The following LUC7L variants were observed in gnomAD, a reference collection of about 807,000 sequenced individuals.
LUC7L encodes putative RNA-binding protein Luc7-like 1.
In LUC7L, 29 loss-of-function variants were observed where a neutral mutation model predicts 51.1. That is an observed-to-expected ratio of 0.57 (90% confidence interval 0.42 to 0.77). The LOEUF (loss-of-function observed/expected upper bound fraction) is 0.77. Ranked by LOEUF, LUC7L falls within the 30% of genes least tolerant of loss-of-function variation. The pLI, the probability that LUC7L is intolerant of heterozygous loss-of-function variation, is 0.00. For missense variants in LUC7L, 403 were observed against 511.9 expected (o/e 0.79, Z 2.05); for synonymous variants, 181 against 180.7 (o/e 1.00, Z -0.01).
At chr16:225,995 T>C (rs1326979041) in intron 2 of LUC7L, among the ~76,000 whole-genome samples, 1 of 121,832 alleles carries the variant, frequency 8.2e-6, no homozygotes, top group African/African-American at 2.9e-5. Flanking sequence ...TTGTGCATCC[T>C]ATGAAAATAC....
intron 3 of LUC7L, among the ~76,000 whole-genome samples, chr16:215,726 C>G (rs900865330): frequency 6.6e-6 from 1 of 151,886 alleles, no homozygotes; most frequent in Admixed American, 6.6e-5. Context: ...TTGCTTGAAC[C>G]GGGAAGGCAG....
chr16:223,355 AT>A (rs1242516202), intron 2 of LUC7L, among the ~76,000 whole-genome samples: 1 of 152,136 alleles, frequency 6.6e-6, no homozygotes, highest in Non-Finnish European at 1.5e-5. Flanking sequence ...TCTCAAAAAA[AT>A]AAAATAAAAT....
intron 3 of LUC7L, among the ~76,000 whole-genome samples, chr16:211,197 T>C (rs1011053356): frequency 9.2e-5 from 14 of 152,208 alleles, no homozygotes; most frequent in Non-Finnish European, 1.9e-4. Flanking sequence ...CCAGGCGTGG[T>C]GGCGGGCACC....
intron 5 of LUC7L, among the ~76,000 whole-genome samples, chr16:204,446 T>C (rs1391226678): frequency 6.6e-6 from 1 of 151,700 alleles, no homozygotes; most frequent in Admixed American, 6.6e-5. Flanking sequence ...ACAAAAAAAT[T>C]AGCCGGGCGT....
Position 218,378 on chromosome 16 carries a change from C to T in LUC7L, c.255+2271G>A, listed in dbSNP as rs371933344. On this transcript the variant is annotated intron_variant, in intron 3 of 9. Transcript: ENST00000293872. ...CTCTACTAACCTCTGGTCATACTAG[C>T]GATGGGTGATTAGGGATTAAAAAAC... is the stretch of plus-strand genomic sequence containing the variant. 9.9e-5 allele frequency among the ~76,000 whole-genome samples: 15 copies of T among 152,206 alleles called. No homozygotes were observed. In the East Asian group the frequency reaches 1.7e-3, roughly 18 times the overall value.
At chr16:196,946 C>T (rs1364865596) in intron 6 of LUC7L, among the ~76,000 whole-genome samples, 13 of 127,222 alleles carry the variant, frequency 1.0e-4, no homozygotes, top group Non-Finnish European at 1.6e-4. Flanking sequence ...CTCGCTCTGT[C>T]GCCCAGGCTG....
intron 6 of LUC7L, among the ~76,000 whole-genome samples, chr16:198,535 G>A (rs1294580234): frequency 1.3e-5 from 2 of 152,072 alleles, no homozygotes; most frequent in Non-Finnish European, 2.9e-5. Flanking sequence ...CTGGGAACAG[G>A]CTCTGCCATT....
At chr16:219,488 G>A (rs2049904839) in intron 3 of LUC7L, among the ~76,000 whole-genome samples, 2 of 152,298 alleles carry the variant, frequency 1.3e-5, no homozygotes, top group South Asian at 4.1e-4. Context: ...GACTGTGGAA[G>A]AAGGATCACC....
intron 3 of LUC7L, among the ~76,000 whole-genome samples, chr16:215,781 C>T (rs866078907): frequency 1.3e-5 from 2 of 151,998 alleles, no homozygotes; most frequent in African/African-American, 2.4e-5. Flanking sequence ...CCAGCCTGGA[C>T]GAGAGTGAGA....
intron 2 of LUC7L, among the ~76,000 whole-genome samples, chr16:224,283 CCGAGGAGGG>C (rs1269898059): frequency 6.6e-6 from 1 of 151,098 alleles, no homozygotes; most frequent in Admixed American, 6.6e-5. Flanking sequence ...CTTTGGGAGG[CCGAGGAGGG>C]CGGATCACCT....
intron 2 of LUC7L, among the ~76,000 whole-genome samples, chr16:224,441 C>G (rs1396745244): frequency 6.6e-6 from 1 of 151,458 alleles, no homozygotes; most frequent in African/African-American, 2.4e-5. Context: ...ATTGCTTGAG[C>G]CCGGGAGGCG....
chr16:199,848 G>C lies in LUC7L; in HGVS notation c.511-610C>G, dbSNP rs190611589. 3.3e-5 allele frequency among the ~76,000 whole-genome samples: 5 copies of C among 151,896 alleles called. No individual in the cohort carries two copies. The East Asian group carries it at 5.8e-4, about 18-fold the overall frequency. The stretch of plus-strand genomic sequence containing the variant: ...CTACTAAAAATACAAAAATCAGCTG[G>C]GTGTGGTGGCACATGCCTGTAGTCC... On this transcript the variant is annotated intron_variant, in intron 5 of 9. Coordinates refer to ENST00000293872, the MANE Select transcript of LUC7L (RefSeq NM_201412.3).
intron 6 of LUC7L, among the ~76,000 whole-genome samples, chr16:196,906 C>CT (rs34164641): frequency 0.16 from 19,435 of 122,806 alleles, 2,315 homozygotes; most frequent in African/African-American, 0.27. Context: ...ACTTTTACAT[C>CT]TTTTTTTTTT....
At chr16:201,169 A>G (rs2049312914) in intron 5 of LUC7L, among the ~76,000 whole-genome samples, 1 of 62,994 alleles carries the variant, frequency 1.6e-5, no homozygotes, top group African/African-American at 7.5e-5. Context: ...ACTCTGTCTG[A>G]GAAAAAAAAA....
intron 3 of LUC7L, among the ~76,000 whole-genome samples, chr16:217,583 T>C (rs753480212): frequency 1.2e-4 from 18 of 151,594 alleles, no homozygotes; most frequent in Non-Finnish European, 1.8e-4. Context: ...GATGTGCACC[T>C]GTAATCCCAG....
chr16:228,458 T>G (rs948559205), intron 1 of LUC7L: 1 of 1,253,692 alleles, frequency 8.0e-7, no homozygotes, highest in South Asian at 1.4e-5. Context: ...AATAAAAATA[T>G]GGGAAGCAAT....
rs2142133472 is a variant in LUC7L, at chr16:229,322, C to T, written c.18G>A (p.Gln6=). MSAQA[Q]MRALLDQLMG... ...TGAGCTGGTCCAGCAGGGCCCGCATCTGCGCCTGGGCGGACATGGTAGCCG... is the reference window on the plus strand; with the variant it reads ...TGAGCTGGTCCAGCAGGGCCCGCATTTGCGCCTGGGCGGACATGGTAGCCG... Residue 6 remains glutamine, a synonymous_variant, in exon 1 of 10, where the codon CAG becomes CAA. Transcript: ENST00000293872. 1 of 1,526,536 alleles carries T rather than the reference C, an allele frequency of 6.6e-7. No individual in the cohort carries two copies. Among genetic ancestry groups the T allele is most frequent in the Admixed American group, 2.0e-5 (1 of 50,410 alleles). The allele number at this position is 1,526,536 out of a possible 1,614,324, so 94.6% of individuals were successfully genotyped here.
At chr16:211,564 T>G (rs936192329) in intron 3 of LUC7L, among the ~76,000 whole-genome samples, 1 of 152,176 alleles carries the variant, frequency 6.6e-6, no homozygotes, top group Non-Finnish European at 1.5e-5. Context: ...CCCTCTCCCT[T>G]CAAAGTGTTT....
Position 190,568 on chromosome 16 carries a change from G to C in LUC7L, c.779C>G (p.Ser260Trp). ...CCTGCGATCTCTGGTTCTTGATCCCGACCTAAAAGGGGGAAAAAAAGATGA... is the reference window on the plus strand; with the variant it reads ...CCTGCGATCTCTGGTTCTTGATCCCCACCTAAAAGGGGGAAAAAAAGATGA... ...REREERLSRR[S>W]GSRTRDRRRS... is the part of the protein sequence containing the mutation. Residue 260 changes from serine to tryptophan, a missense_variant and splice_region_variant, in exon 8 of 10, where the codon TCG becomes TGG. Around this residue, in one of 3 missense-constraint regions of LUC7L, gnomAD observed 206 missense variants for 218.3 expected, o/e 0.94. Transcript: ENST00000293872. 6.2e-7 allele frequency: 1 copy of C among 1,613,164 alleles called. No homozygotes were observed. The highest frequency in any genetic ancestry group is 8.5e-7 in the Non-Finnish European group (1 of 1,179,944).
Sources: gnomAD v4.1 joint callset for allele counts (sites outside exome capture counted in the v4.1 genomes callset) on GRCh38, gnomAD v4.1.1 for gene constraint, gnomAD v4.1.1 regional missense constraint, MANE v1.5 for transcripts, NCBI Gene and HGNC (gene_info 2026-07-23, HGNC 2026-07-21) for gene names.